Variants in RASGRF1 observed in about 807,000 individuals in gnomAD.
RASGRF1 encodes the protein ras-specific guanine nucleotide-releasing factor 1.
RASGRF1 carries 40 observed loss-of-function variants against 138.7 expected under a neutral mutation model. The observed-to-expected ratio is 0.29, with a 90% CI of 0.22 to 0.38. The LOEUF (loss-of-function observed/expected upper bound fraction) is 0.38. Among genes scored for constraint, RASGRF1 ranks in the 10% least tolerant of loss-of-function variants. RASGRF1 has a pLI of 1.00. For synonymous variants in RASGRF1, 614 were observed against 663.2 expected (o/e 0.93, Z 1.14); for missense variants, 1,108 against 1,650.4 (o/e 0.67, Z 5.69).
chr15:79,090,247 C>T lies in RASGRF1; in HGVS notation c.252G>A (p.Ser84=), dbSNP rs766235755. ...CCTGTTTCTCCAGCGGCTCCTTGGCCGACAGCGCCGGCTTGGGGGAGGGCG... is the reference window on the plus strand; with the variant it reads ...CCTGTTTCTCCAGCGGCTCCTTGGCTGACAGCGCCGGCTTGGGGGAGGGCG... ...DRAPSPKPAL[S]AKEPLEKQHY... The change falls in exon 1 of 27, where the codon TCG becomes TCA. Residue 84 remains serine, a synonymous_variant. Transcript: ENST00000558480. 3.7e-6 allele frequency: 6 copies of T among 1,608,622 alleles called. No individual in the cohort carries two copies. Among genetic ancestry groups the T allele is most frequent in the East Asian group, 2.2e-5 (1 of 44,796 alleles).
At chr15:79,054,775 A>T (rs1292610016) in intron 3 of RASGRF1, among the ~76,000 whole-genome samples, 1 of 152,180 alleles carries the variant, frequency 6.6e-6, no homozygotes, top group East Asian at 1.9e-4. Context: ...AATCTAGCCT[A>T]TTCTGACAGA....
chr15:79,037,156 G>A (rs2057233840), intron 5 of RASGRF1, among the ~76,000 whole-genome samples: 2 of 152,162 alleles, frequency 1.3e-5, no homozygotes, highest in African/African-American at 4.8e-5. Context: ...GAGTCCACAT[G>A]TGAAGACCCT....
intron 24 of RASGRF1, among the ~76,000 whole-genome samples, chr15:78,977,309 A>C (rs528799832): frequency 2.9e-4 from 44 of 152,232 alleles, no homozygotes; most frequent in Middle Eastern, 6.8e-3. Flanking sequence ...GGCCTGGGGA[A>C]GGGCATTCAG....
In RASGRF1 at chr15:78,985,158, T is replaced by A. The variant is rs1188245861; in HGVS notation, c.3263A>T (p.Asn1088Ile). 2.5e-6 allele frequency: 4 copies of A among 1,613,372 alleles called. No homozygotes were observed. The highest frequency in any genetic ancestry group is 3.4e-6 in the Non-Finnish European group (4 of 1,179,396). ...CTTCTCGATGGCGCTCACCCTGGCG[T>A]TGATGTCCTCATTGCGGATGATTTC... The part of the protein sequence containing the change: ...ASEIIRNEDI[N>I]ARVSAIEKWV... The change falls in exon 23 of 27, where the codon AAC (asparagine) becomes ATC (isoleucine). Residue 1088 changes from asparagine (N) to isoleucine (I), a missense_variant. Asn to Ile is a moderately radical substitution (Grantham distance 149). Around this residue, in one of 3 missense-constraint regions of RASGRF1, gnomAD observed 686 missense variants for 976.7 expected, o/e 0.70. Coordinates refer to ENST00000558480, the MANE Select transcript of RASGRF1 (RefSeq NM_001145648.3).
At chr15:78,999,462 C>A (rs986587199) in intron 17 of RASGRF1, among the ~76,000 whole-genome samples, 20 of 152,110 alleles carry the variant, frequency 1.3e-4, no homozygotes, top group African/African-American at 4.8e-4. Flanking sequence ...GAGCCCCAAC[C>A]AGTGCAGAGA....
At chr15:79,057,732 C>T (rs2057529832) in intron 3 of RASGRF1, among the ~76,000 whole-genome samples, 1 of 152,204 alleles carries the variant, frequency 6.6e-6, no homozygotes, top group Non-Finnish European at 1.5e-5. Context: ...TGAGATTCTG[C>T]TCCAGGTGAA....
chr15:79,055,477 C>A (rs1185243342), intron 3 of RASGRF1, among the ~76,000 whole-genome samples: 3 of 152,120 alleles, frequency 2.0e-5, no homozygotes, highest in Non-Finnish European at 1.5e-5. Flanking sequence ...GTCCTTCTTT[C>A]AAAGTCTTCT....
Position 78,999,912 on chromosome 15 carries a change from C to T in RASGRF1, c.2577G>A (p.Glu859=). Residue 859 remains glutamate, a splice_region_variant and synonymous_variant, in exon 17 of 27, where the codon GAG becomes GAA. Coordinates refer to ENST00000558480, the MANE Select transcript of RASGRF1 (RefSeq NM_001145648.3). The part of the protein sequence containing the change: ...PKSVKNKNSS[E]FPLFSYNNGV... ...CATTGTTATAGGAAAAGAGTGGGAA[C>T]TCTGCAGAGAGGAGGGAACCAACCC... 1.2e-6 allele frequency: 2 copies of T among 1,613,992 alleles called. No individual in the cohort carries two copies. Among genetic ancestry groups the T allele is most frequent in the South Asian group, 1.1e-5 (1 of 91,080 alleles).
At chr15:79,078,911 T>G (rs542508815) in intron 1 of RASGRF1, among the ~76,000 whole-genome samples, 26 of 152,364 alleles carry the variant, frequency 1.7e-4, no homozygotes, top group African/African-American at 6.3e-4. Context: ...CTGGGTGCCA[T>G]GCTATGTGCT....
chr15:78,978,870 C>G (rs182957951), intron 24 of RASGRF1: 27,994 of 1,192,544 alleles, frequency 0.023, 539 homozygotes, highest in African/African-American at 0.081. Context: ...TCCAGAGGCC[C>G]GCAGGCCACC....
intron 1 of RASGRF1, among the ~76,000 whole-genome samples, chr15:79,071,178 G>C (rs1042923604): frequency 6.6e-6 from 1 of 152,166 alleles, no homozygotes; most frequent in African/African-American, 2.4e-5. Context: ...CCCACTGCAA[G>C]GCCATCTCCC....
intron 2 of RASGRF1, among the ~76,000 whole-genome samples, chr15:79,062,951 G>C (rs539890818): frequency 6.6e-6 from 1 of 151,812 alleles, no homozygotes; most frequent in Non-Finnish European, 1.5e-5. Context: ...GTTGTCGTAG[G>C]GGGGTGGGTG....
chr15:79,069,099 T>C (rs2057720442), intron 1 of RASGRF1, among the ~76,000 whole-genome samples: 1 of 152,212 alleles, frequency 6.6e-6, no homozygotes, highest in Non-Finnish European at 1.5e-5. Context: ...GCTGACCCTT[T>C]GGTCTTGGAC....
chr15:78,964,505 T>C (rs1030159676), intron 26 of RASGRF1, among the ~76,000 whole-genome samples: 1 of 152,030 alleles, frequency 6.6e-6, no homozygotes, highest in Non-Finnish European at 1.5e-5. Context: ...CACATCAAAG[T>C]TTAAGGAGAC....
chr15:79,061,272 GAC>G (rs1207380947), intron 2 of RASGRF1, among the ~76,000 whole-genome samples: 1 of 152,000 alleles, frequency 6.6e-6, no homozygotes, highest in East Asian at 1.9e-4. Flanking sequence ...TAGCCTGTGA[GAC>G]CCTGGCAGAG....
intron 1 of RASGRF1, among the ~76,000 whole-genome samples, chr15:79,071,838 C>T (rs2057760758): frequency 6.6e-6 from 1 of 152,098 alleles, no homozygotes; most frequent in Non-Finnish European, 1.5e-5. Flanking sequence ...ATTAGGGCCC[C>T]CTAGTTTTCC....
rs982848092 is a variant in RASGRF1, at chr15:79,032,413, G to A, written c.959-97C>T. 7 of 1,251,196 alleles carry A rather than the reference G, an allele frequency of 5.6e-6. No individual in the cohort carries two copies. Among genetic ancestry groups the A allele is most frequent in the Middle Eastern group, 2.2e-4 (1 of 4,508 alleles). The allele number at this position is 1,251,196 out of a possible 1,614,324, so 77.5% of individuals were successfully genotyped here. A position where few individuals can be genotyped will look rare whatever the true frequency, so the allele number is the denominator to read the frequency against. ...CCCCCAGCTACACCCAGAGAGGCCA[G>A]GGGCCAGGTTCAAGTTCCCCACCCC... On this transcript the variant is annotated intron_variant, in intron 6 of 26. Coordinates refer to ENST00000558480, the MANE Select transcript of RASGRF1 (RefSeq NM_001145648.3). The surrounding 1 kb of genome is among the most constrained non-coding windows in gnomAD (Gnocchi z 4.5).
rs189557457 is a variant in RASGRF1 at position 79,060,072 on chromosome 15, C to T, written c.384-1591G>A. On this transcript the variant is annotated intron_variant, in intron 2 of 26. Coordinates refer to ENST00000558480, the MANE Select transcript of RASGRF1 (RefSeq NM_001145648.3). ...GTGATGCTTACAGTTATAGTGTCCG[C>T]CTCTGGTCTTATGGCCAACTCCCTA... Among the ~76,000 whole-genome samples the T allele has an allele frequency of 7.1e-4, 107 of 151,078 alleles. No individual in the cohort carries two copies. In the East Asian group the frequency reaches 0.01, roughly 15 times the overall value.
intron 1 of RASGRF1, among the ~76,000 whole-genome samples, chr15:79,088,314 G>A (rs2058008554): frequency 6.6e-6 from 1 of 152,194 alleles, no homozygotes; most frequent in African/African-American, 2.4e-5. Context: ...AGATTCAACT[G>A]TGATTCGTCT....
Sources: allele counts gnomAD v4.1 joint callset (sites outside exome capture counted in the v4.1 genomes callset), GRCh38; gene constraint gnomAD v4.1.1; regional missense constraint gnomAD v4.1.1; non-coding constraint Gnocchi (gnomAD v3.1); transcripts MANE v1.5; gene names NCBI Gene and HGNC (gene_info 2026-07-23, HGNC 2026-07-21).